The following PRSS27 variants were observed in gnomAD, a reference collection of about 807,000 sequenced individuals.
PRSS27 encodes serine protease 27.
A neutral mutation model predicts 32.0 loss-of-function variants in PRSS27; 25 were observed. The observed-to-expected ratio is 0.78, with a 90% confidence interval of 0.57 to 1.09. The LOEUF (loss-of-function observed/expected upper bound fraction) is 1.09. Among genes scored for constraint, PRSS27 ranks in the 50% least tolerant of loss-of-function variants. The pLI, the probability that PRSS27 is intolerant of heterozygous loss-of-function variation, is 0.00. For synonymous variants in PRSS27, 178 were observed against 172.2 expected (o/e 1.03, Z -0.26); for missense variants, 401 against 394.9 (o/e 1.02, Z -0.13).
chr16:2,716,232 G>A (rs1331689903), intron 2 of PRSS27: 1 of 582,212 alleles, frequency 1.7e-6, no homozygotes, highest in African/African-American at 1.9e-5. Flanking sequence ...GAGCCACCCA[G>A]AGGGGGCCAG....
At chr16:2,716,610 C>A (rs771107166) in intron 1 of PRSS27, 84 bp from the exon 2 acceptor site, 12 of 1,337,684 alleles carry the variant, frequency 9.0e-6, no homozygotes, top group African/African-American at 4.3e-5. Context: ...TCCACTGACC[C>A]TCCCCAGCTC....
rs771041798 is a variant in PRSS27, at chr16:2,720,147, G to A, written c.14C>T (p.Ala5Val). The stretch of plus-strand genomic sequence containing the variant: ...CAGCAGCAGCAGGAGCGGCACCGCC[G>A]CCGGCCGCCTCATGTCCTCAGGCCT... MRRP[A>V]AVPLLLLLCF... The change falls in exon 1 of 6, where the codon GCG becomes GTG. Residue 5 changes from alanine to valine, a missense_variant. Transcript: ENST00000302641. 8 of 1,599,884 alleles carry A rather than the reference G, an allele frequency of 5.0e-6. No individual in the cohort carries two copies. Among genetic ancestry groups the A allele is most frequent in the Admixed American group, 3.4e-5 (2 of 58,164 alleles).
chr16:2,715,778 A>G lies in PRSS27; in HGVS notation c.176T>C (p.Phe59Ser), dbSNP rs1434437278. The G allele has an allele frequency of 1.3e-6, 2 of 1,599,096 alleles. No individual in the cohort carries two copies. The highest frequency in any genetic ancestry group is 1.7e-6 in the Non-Finnish European group (2 of 1,175,714). ...CTCCGCGATGAGGCTGCCCCCGCAG[A>G]AGTGGCTTCCGTTGCGCTGGATGCT... ...QVSIQRNGSH[F>S]CGGSLIAEQW... is the part of the protein sequence containing the mutation. Residue 59 changes from phenylalanine (F) to serine (S), a missense_variant, in exon 3 of 6, where the codon TTC becomes TCC. Coordinates refer to ENST00000302641, the MANE Select transcript of PRSS27 (RefSeq NM_031948.5).
rs1304462194 is a variant in PRSS27, at chr16:2,713,572, A to G, written c.635T>C (p.Met212Thr). ...GCCCTCCTCGAAGCCGGCGCACAGC[A>G]TGTCATTCTTGATGGTTTTGGGTTG... is the stretch of plus-strand genomic sequence containing the variant. ...GYQPKTIKND[M>T]LCAGFEEGKK... The change falls in exon 5 of 6, where the codon ATG becomes ACG. Residue 212 changes from methionine (M) to threonine (T), a missense_variant. Physicochemically the swap from Met to Thr is moderately conservative, Grantham distance 81. Transcript: ENST00000302641. 2 of 1,614,076 alleles carry G rather than the reference A, an allele frequency of 1.2e-6. No homozygotes were observed. Among genetic ancestry groups the G allele is most frequent in the African/African-American group, 1.3e-5 (1 of 74,924 alleles).
chr16:2,716,843 C>G (rs891507496), intron 1 of PRSS27: 2 of 452,730 alleles, frequency 4.4e-6, no homozygotes, highest in Admixed American at 3.3e-5. Flanking sequence ...GGAAAGGGTC[C>G]TCTCCCTCCA....
intron 1 of PRSS27, chr16:2,718,502 T>C (rs1299997978): frequency 6.6e-6 from 1 of 151,838 alleles, no homozygotes; most frequent in Non-Finnish European, 1.5e-5. Flanking sequence ...GTATTTTTAG[T>C]AGAGAGGGGT....
chr16:2,717,540 GC>G lies in PRSS27; in HGVS notation c.47-1015del, dbSNP rs1316456328. The G allele has an allele frequency of 7.2e-5, 11 of 152,374 alleles. No homozygotes were observed. The highest frequency in any genetic ancestry group is 2.4e-4 in the African/African-American group (10 of 41,410). The allele number at this position is 152,374 out of a possible 1,614,324, so 9.4% of individuals were successfully genotyped here. On this transcript the variant is annotated intron_variant, in intron 1 of 5. Transcript: ENST00000302641. This position sits in a 1 kb window ranked among gnomAD's most constrained non-coding sequence, Gnocchi z 4.1. Reference sequence around the variant, plus strand: ...TCTGTGGGGGCAAGATTCGCCCGTAGCTGGGGAGGGGTTAGAACAGCCACCT... The same window carrying G: ...TCTGTGGGGGCAAGATTCGCCCGTAGTGGGGAGGGGTTAGAACAGCCACCT...
In PRSS27 at chr16:2,714,145, A is replaced by G; in HGVS notation, c.428T>C (p.Val143Ala). ...GATCACCGAGGGGTCAGGCAGGCAC[A>G]CGGGGAGGATGTAATTGGTGAAGGG... The part of the protein sequence containing the change: ...PVPFTNYILP[V>A]CLPDPSVIFE... The change falls in exon 4 of 6, where the codon GTG becomes GCG. Residue 143 changes from valine (V) to alanine (A), a missense_variant. Transcript: ENST00000302641. The surrounding 1 kb of genome is among the most constrained non-coding windows in gnomAD (Gnocchi z 4.7). 1.2e-6 allele frequency: 2 copies of G among 1,614,078 alleles called. No individual in the cohort carries two copies. Among genetic ancestry groups the G allele is most frequent in the Non-Finnish European group, 8.5e-7 (1 of 1,180,014 alleles).
chr16:2,715,715 C>T lies in PRSS27; in HGVS notation c.236+3G>A. Reference sequence around the variant, plus strand: ...GGGCGGGGGCAGGGGCGGGCGGACTCACTTGCGGAAGCAGTGCGCAGCCGT... The same window carrying T: ...GGGCGGGGGCAGGGGCGGGCGGACTTACTTGCGGAAGCAGTGCGCAGCCGT... On this transcript the variant is annotated splice_donor_region_variant and intron_variant, in intron 3 of 5. Transcript: ENST00000302641. 2.0e-6 allele frequency: 3 copies of T among 1,528,700 alleles called. No homozygotes were observed. Among genetic ancestry groups the T allele is most frequent in the South Asian group, 1.2e-5 (1 of 80,766 alleles). 94.7% of individuals were successfully genotyped at this position (1,528,700 alleles called of 1,614,324 possible).
chr16:2,713,431 C>T (rs778961392), intron 5 of PRSS27, 98 bp downstream of exon 5: 4 of 1,288,928 alleles, frequency 3.1e-6, no homozygotes, highest in African/African-American at 2.9e-5. Flanking sequence ...AGCTGCTCAG[C>T]TGGTTGAATG....
At chr16:2,713,320 C>G (rs11861927) in intron 5 of PRSS27, 17,244 of 599,782 alleles carry the variant, frequency 0.029, 1,911 homozygotes, top group African/African-American at 0.26. Flanking sequence ...GGATGGTCTC[C>G]ATCTCCTGAC....
chr16:2,713,315 G>GTC, intron 5 of PRSS27: 1 of 590,902 alleles, frequency 1.7e-6, no homozygotes, highest in Non-Finnish European at 3.1e-6. Flanking sequence ...AGCCAGGATG[G>GTC]TCTCCATCTC....
intron 4 of PRSS27, 82 bp downstream of exon 4, chr16:2,713,983 T>A: frequency 7.1e-7 from 1 of 1,399,214 alleles, no homozygotes; most frequent in Non-Finnish European, 9.8e-7. Context: ...AACAGGAAGA[T>A]TGTGGGTTCA....
chr16:2,713,013 G>C, intron 5 of PRSS27, 199 bp from the exon 6 acceptor site: 1 of 560,008 alleles, frequency 1.8e-6, no homozygotes, highest in Non-Finnish European at 3.1e-6. Flanking sequence ...TAGGGTGTGT[G>C]TGTGTGTTGA....
chr16:2,713,440 T>C (rs1383197705), intron 5 of PRSS27, 89 bp downstream of exon 5: 9 of 1,350,898 alleles, frequency 6.7e-6, no homozygotes, highest in Non-Finnish European at 8.5e-6. Context: ...GCTGGTTGAA[T>C]GCATAGCCCA....
intron 3 of PRSS27, chr16:2,715,390 A>C: frequency 3.6e-6 from 1 of 276,584 alleles, no homozygotes; most frequent in Non-Finnish European, 6.8e-6. Context: ...TGTGTGCGGG[A>C]TGGGGAAAGG....
chr16:2,715,529 C>A lies in PRSS27; in HGVS notation c.236+189G>T, dbSNP rs1445747570. The A allele has an allele frequency of 7.8e-6, 4 of 512,614 alleles. No homozygotes were observed. In the African/African-American group the frequency reaches 8.1e-5, roughly 10 times the overall value. 31.8% of individuals were successfully genotyped at this position (512,614 alleles called of 1,614,324 possible). On this transcript the variant is annotated intron_variant, in intron 3 of 5. Transcript: ENST00000302641. The stretch of plus-strand genomic sequence containing the variant: ...AGGCACCTCCCGCGGGCGGGAGCAG[C>A]GGTTGCAACTGGAAGTTAGCCCTGG...
chr16:2,712,632 G>T lies in PRSS27; in HGVS notation c.861C>A (p.Gly287=). Residue 287 remains glycine (G), a synonymous_variant, in exon 6 of 6, where the codon GGC becomes GGA. Coordinates refer to ENST00000302641, the MANE Select transcript of PRSS27 (RefSeq NM_031948.5). The surrounding 1 kb of genome is among the most constrained non-coding windows in gnomAD (Gnocchi z 4.6). ...GGCCCCGGGGGTCTCACTTCTGGCC[G>T]CCCAACCTCGCTGGCTGGAACTGCA... The part of the protein sequence containing the change: ...PKLQFQPARL[G]GQK 1 of 1,584,896 alleles carries T rather than the reference G, an allele frequency of 6.3e-7. No homozygotes were observed. The highest frequency in any genetic ancestry group is 8.6e-7 in the Non-Finnish European group (1 of 1,165,338).
In PRSS27 at chr16:2,717,094, G is replaced by A. The variant is rs1001339389; in HGVS notation, c.47-568C>T. ...CACAGGCTTCTCCCTGGCCTCAGGG[G>A]AGTAGAGAAGGTACAGTGGTCTGCA... On this transcript the variant is annotated intron_variant, in intron 1 of 5. Transcript: ENST00000302641. This position sits in a 1 kb window ranked among gnomAD's most constrained non-coding sequence, Gnocchi z 4.1. 4 of 157,080 alleles carry A rather than the reference G, an allele frequency of 2.5e-5. No individual in the cohort carries two copies. The highest frequency in any genetic ancestry group is 7.2e-5 in the African/African-American group (3 of 41,552). 9.7% of individuals were successfully genotyped at this position (157,080 alleles called of 1,614,324 possible).
Sources: allele counts gnomAD v4.1 joint callset, GRCh38; gene constraint gnomAD v4.1.1; non-coding constraint Gnocchi (gnomAD v3.1); transcripts MANE v1.5; gene names NCBI Gene and HGNC (gene_info 2026-07-23, HGNC 2026-07-21).